The following PAQR5 variants were observed in gnomAD, a reference collection of about 807,000 sequenced individuals.
PAQR5 encodes progestin and adipoQ receptor family member 5, also known as membrane progestin receptor gamma.
PAQR5 carries 20 observed loss-of-function variants against 34.5 expected under a neutral mutation model. The ratio of observed to expected loss-of-function variants is 0.58; its 90% CI spans 0.41 to 0.84. The LOEUF is 0.84. Ranked by LOEUF, PAQR5 falls within the 40% of genes least tolerant of loss-of-function variation. PAQR5 has a pLI of 0.00. For synonymous variants in PAQR5, 131 were observed against 155.6 expected (o/e 0.84, Z 1.18); for missense variants, 378 against 412.7 (o/e 0.92, Z 0.73).
intron 1 of PAQR5, among the ~76,000 whole-genome samples, chr15:69,328,108 ATCCAGGTCCTGTCAT>A: frequency 6.6e-6 from 1 of 152,274 alleles, no homozygotes; most frequent in East Asian, 1.9e-4. Context: ...ATGAAAATAG[ATCCAGGTCCTGTCAT>A]TCAGGAATCT....
At chr15:69,351,742 G>A (rs546049318) in intron 2 of PAQR5, among the ~76,000 whole-genome samples, 1 of 152,312 alleles carries the variant, frequency 6.6e-6, no homozygotes, top group Non-Finnish European at 1.5e-5. Flanking sequence ...CTTACATAGA[G>A]GGTGAGAAAT....
chr15:69,302,378 T>G (rs901818490), intron 1 of PAQR5, among the ~76,000 whole-genome samples: 14 of 151,858 alleles, frequency 9.2e-5, no homozygotes, highest in Admixed American at 6.6e-4. Context: ...CAGCCAGAAA[T>G]GGGGACTTTC....
intron 6 of PAQR5, among the ~76,000 whole-genome samples, chr15:69,394,295 A>G (rs1228842723): frequency 3.3e-5 from 5 of 152,064 alleles, no homozygotes; most frequent in African/African-American, 1.2e-4. Flanking sequence ...CTGGAGGTAG[A>G]AGGCTCAGCA....
At chr15:69,402,235 C>T (rs1246071959) in intron 8 of PAQR5, among the ~76,000 whole-genome samples, 1 of 152,148 alleles carries the variant, frequency 6.6e-6, no homozygotes, top group Non-Finnish European at 1.5e-5. Context: ...CTCTCTTTGG[C>T]TTGTCGATGG....
rs543581254 is a variant in PAQR5 at position 69,385,949 on chromosome 15, C to G, written c.385+1067C>G. Among the ~76,000 whole-genome samples the G allele has an allele frequency of 8.0e-5, 12 of 150,284 alleles. No individual in the cohort carries two copies. Among genetic ancestry groups the G allele is most frequent in the African/African-American group, 2.7e-4 (11 of 40,894 alleles). ...ACTCACACCACATACACACAATACACTCACATGCACACTCTCAAACACTAC... is the reference window on the plus strand; with the variant it reads ...ACTCACACCACATACACACAATACAGTCACATGCACACTCTCAAACACTAC... On this transcript the variant is annotated intron_variant, in intron 5 of 8. Coordinates refer to ENST00000395407, the MANE Select transcript of PAQR5 (RefSeq NM_017705.4). This position sits in a 1 kb window ranked among gnomAD's most constrained non-coding sequence, Gnocchi z 4.7.
At chr15:69,357,795 C>T (rs560568637) in intron 2 of PAQR5, among the ~76,000 whole-genome samples, 74 of 152,182 alleles carry the variant, frequency 4.9e-4, no homozygotes, top group South Asian at 3.7e-3. Context: ...CAAAAGTAAA[C>T]GAACCACAAA....
chr15:69,387,112 C>T (rs2140948394), intron 5 of PAQR5, among the ~76,000 whole-genome samples: 1 of 152,342 alleles, frequency 6.6e-6, no homozygotes, highest in Middle Eastern at 3.4e-3. Context: ...CTCCACCTCA[C>T]CCAGCCCCTG....
chr15:69,393,648 G>C (rs1406293065), intron 6 of PAQR5, among the ~76,000 whole-genome samples: 1 of 152,152 alleles, frequency 6.6e-6, no homozygotes, highest in Non-Finnish European at 1.5e-5. Context: ...TTGGGCAGGA[G>C]CGGGAGAGAA....
intron 3 of PAQR5, among the ~76,000 whole-genome samples, chr15:69,375,396 C>T (rs2055679591): frequency 6.6e-6 from 1 of 152,176 alleles, no homozygotes; most frequent in South Asian, 2.1e-4. Context: ...AATGCAGTTG[C>T]ATCTGAGGTC....
At chr15:69,328,011 C>A (rs1242036617) in intron 1 of PAQR5, among the ~76,000 whole-genome samples, 1 of 151,874 alleles carries the variant, frequency 6.6e-6, no homozygotes. Flanking sequence ...AAATTCCTGA[C>A]CTCAGGTGAT....
chr15:69,380,206 C>A, intron 4 of PAQR5, 196 bp downstream of exon 4: 1 of 583,830 alleles, frequency 1.7e-6, no homozygotes, highest in Non-Finnish European at 3.0e-6. Context: ...ACCTTTAAGG[C>A]ATGGACTGGG....
At position 69,379,934 on chromosome 15, in the gene PAQR5, G is replaced by C; in HGVS notation, c.103G>C (p.Ala35Pro). Residue 35 changes from alanine to proline, a missense_variant, in exon 4 of 9, where the codon GCC becomes CCC. Coordinates refer to ENST00000395407, the MANE Select transcript of PAQR5 (RefSeq NM_017705.4). ...LFGYRHPQSSATACILSLFQM... is the reference protein window; with the variant it reads ...LFGYRHPQSSPTACILSLFQM... ...CGGCTACCGCCATCCACAGAGTTCT[G>C]CCACTGCCTGCATCCTCAGCCTTTT... The C allele has an allele frequency of 6.2e-7, 1 of 1,614,198 alleles. No individual in the cohort carries two copies.
chr15:69,341,703 G>A lies in PAQR5; in HGVS notation c.-116+4202G>A, dbSNP rs183062743. On this transcript the variant is annotated intron_variant, in intron 2 of 8. Coordinates refer to ENST00000395407, the MANE Select transcript of PAQR5 (RefSeq NM_017705.4). Reference sequence around the variant, plus strand: ...GTCGCACCTGTAATCCCAGTACTTCGGGAGGCCAAGGTGGGTGGATCACTT... The same window carrying A: ...GTCGCACCTGTAATCCCAGTACTTCAGGAGGCCAAGGTGGGTGGATCACTT... Among the ~76,000 whole-genome samples the A allele has an allele frequency of 1.1e-3, 174 of 152,064 alleles. 1 individual carries two copies. Among genetic ancestry groups the A allele is most frequent in the East Asian group, 8.1e-3 (42 of 5,172 alleles).
intron 3 of PAQR5, among the ~76,000 whole-genome samples, chr15:69,368,946 T>A (rs1317775508): frequency 1.3e-5 from 2 of 152,074 alleles, no homozygotes; most frequent in East Asian, 3.9e-4. Flanking sequence ...TTTAAAAAAA[T>A]TTTGTAGAGA....
chr15:69,356,210 G>T (rs28567925), intron 2 of PAQR5, among the ~76,000 whole-genome samples: 23 of 152,278 alleles, frequency 1.5e-4, no homozygotes, highest in Admixed American at 9.2e-4. Context: ...TGTTGTCTGA[G>T]GCTTCTCTGG....
chr15:69,387,520 T>C lies in PAQR5; in HGVS notation c.386-2134T>C, dbSNP rs149412768. Among the ~76,000 whole-genome samples, 6 of 152,346 alleles carry C rather than the reference T, an allele frequency of 3.9e-5. No homozygotes were observed. In the East Asian group the frequency reaches 1.2e-3, roughly 29 times the overall value. ...TTAAATGAGGCTCAGAGCCTGGCCT[T>C]AGTCGGCATCTGAGGGCAGCCATTA... On this transcript the variant is annotated intron_variant, in intron 5 of 8. Coordinates refer to ENST00000395407, the MANE Select transcript of PAQR5 (RefSeq NM_017705.4).
rs75092547 is a variant in PAQR5, at chr15:69,312,733, G to A, written c.-277+13677G>A. Reference sequence around the variant, plus strand: ...AATAAAAAAAAGAAACTGGAAAACCGAAAAGTCTTTAAAGCATGAAGACTT... The same window carrying A: ...AATAAAAAAAAGAAACTGGAAAACCAAAAAGTCTTTAAAGCATGAAGACTT... On this transcript the variant is annotated intron_variant, in intron 1 of 8. Transcript: ENST00000395407. Among the ~76,000 whole-genome samples the A allele has an allele frequency of 4.4e-3, 662 of 151,976 alleles. 5 individuals carry two copies. Among genetic ancestry groups the A allele is most frequent in the African/African-American group, 0.012 (505 of 41,442 alleles).
intron 7 of PAQR5, chr15:69,397,782 C>T: frequency 1.7e-6 from 1 of 589,416 alleles, no homozygotes; most frequent in Admixed American, 3.0e-5. Flanking sequence ...TTTCTTAGTA[C>T]AGATCAAAAT....
At chr15:69,380,094 G>A in intron 4 of PAQR5, 84 bp downstream of exon 4, 6 of 1,462,828 alleles carry the variant, frequency 4.1e-6, no homozygotes, top group Non-Finnish European at 3.8e-6. Context: ...AGTGTTGAGA[G>A]GGCTGAGATT....
Sources: gnomAD v4.1 joint callset for allele counts (sites outside exome capture counted in the v4.1 genomes callset) on GRCh38, gnomAD v4.1.1 for gene constraint, Gnocchi (gnomAD v3.1) non-coding constraint, MANE v1.5 for transcripts, NCBI Gene and HGNC (gene_info 2026-07-23, HGNC 2026-07-21) for gene names.